Variants in P2RY8 observed in about 807,000 individuals in gnomAD.
The protein encoded by P2RY8 is S-geranylgeranyl-glutathione receptor P2RY8.
Under a neutral mutation model 10.0 loss-of-function variants are expected in P2RY8, and 6 were observed. The observed-to-expected ratio is 0.60, with a 90% CI of 0.33 to 1.19. P2RY8 has a LOEUF of 1.19. P2RY8 is among the 50% of genes most tolerant of loss of function. P2RY8 has a pLI of 0.04. For missense variants in P2RY8, 456 were observed against 542.0 expected (o/e 0.84, Z 1.58); for synonymous variants, 276 against 252.5 (o/e 1.09, Z -0.88).
intron 1 of P2RY8, among the ~76,000 whole-genome samples, chrX:1,529,545 C>T (rs1179139378): frequency 2.6e-5 from 4 of 151,882 alleles, no homozygotes; most frequent in Admixed American, 2.6e-4. Context: ...GGAAGATGCT[C>T]AGTGCCCTGC....
intron 1 of P2RY8, among the ~76,000 whole-genome samples, chrX:1,506,185 G>T (rs1478620775): frequency 6.6e-6 from 1 of 151,802 alleles, no homozygotes; most frequent in Non-Finnish European, 1.5e-5. Flanking sequence ...TAGAGACGGG[G>T]TTTTGCCATG....
intron 1 of P2RY8, among the ~76,000 whole-genome samples, chrX:1,471,309 ATTTT>A (rs1159260456): frequency 8.0e-5 from 8 of 100,026 alleles, no homozygotes; most frequent in African/African-American, 1.2e-4. Context: ...CGCCCAGCCC[ATTTT>A]TTTTTTTTTT....
intron 1 of P2RY8, among the ~76,000 whole-genome samples, chrX:1,512,513 C>G (rs1426740864): frequency 6.9e-6 from 1 of 144,670 alleles, no homozygotes; most frequent in Non-Finnish European, 1.5e-5. Context: ...TGCCATTGCA[C>G]TCCAGCCTGG....
chrX:1,518,412 CGA>C (rs1941617877), intron 1 of P2RY8, among the ~76,000 whole-genome samples: 1 of 127,212 alleles, frequency 7.9e-6, no homozygotes, highest in Admixed American at 8.7e-5. Context: ...GGTGACAGAG[CGA>C]GACTCCGTCT....
chrX:1,516,587 T>C (rs111234458), intron 1 of P2RY8, among the ~76,000 whole-genome samples: 8,517 of 122,156 alleles, frequency 0.07, 769 homozygotes, highest in African/African-American at 0.23. Context: ...AGGGAGAAGA[T>C]GGCGTCTCCA....
chrX:1,507,525 G>T (rs759814463), intron 1 of P2RY8, among the ~76,000 whole-genome samples: 1 of 152,072 alleles, frequency 6.6e-6, no homozygotes, highest in Non-Finnish European at 1.5e-5. Flanking sequence ...ACGGTGGTTC[G>T]GAGCTGGGGT....
intron 1 of P2RY8, among the ~76,000 whole-genome samples, chrX:1,532,757 T>C (rs1212662776): frequency 6.6e-6 from 1 of 151,740 alleles, no homozygotes; most frequent in African/African-American, 2.4e-5. Flanking sequence ...ATCCCAGCAC[T>C]TTGGGAGGTC....
chrX:1,473,596 G>GTGGATGAATGGA (rs2091827416), intron 1 of P2RY8, among the ~76,000 whole-genome samples: 1 of 139,242 alleles, frequency 7.2e-6, no homozygotes, highest in African/African-American at 2.6e-5. Flanking sequence ...GGGTGAATGG[G>GTGGATGAATGGA]TGGATTGATG....
At chrX:1,483,869 G>T (rs1356736595) in intron 1 of P2RY8, among the ~76,000 whole-genome samples, 7 of 147,128 alleles carry the variant, frequency 4.8e-5, no homozygotes, top group Non-Finnish European at 9.2e-5. Flanking sequence ...CCTGAAGCTG[G>T]GCTGCCTTAG....
intron 1 of P2RY8, among the ~76,000 whole-genome samples, chrX:1,506,369 A>C (rs1341412199): frequency 1.3e-5 from 2 of 152,148 alleles, no homozygotes; most frequent in Non-Finnish European, 2.9e-5. Context: ...TTGGGTAGAC[A>C]AAAGAAGACA....
At chrX:1,473,868 A>G (rs2091836696) in intron 1 of P2RY8, among the ~76,000 whole-genome samples, 1 of 139,630 alleles carries the variant, frequency 7.2e-6, no homozygotes, top group African/African-American at 2.8e-5. Flanking sequence ...AGATAGGTGG[A>G]TATGTGGGTG....
chrX:1,523,118 T>TAAATAAAA (rs1444439947), intron 1 of P2RY8, among the ~76,000 whole-genome samples: 20 of 150,066 alleles, frequency 1.3e-4, no homozygotes, highest in African/African-American at 4.4e-4. Context: ...AATAAATAAA[T>TAAATAAAA]AAAACAAAAA....
chrX:1,519,075 C>T (rs1202554012), intron 1 of P2RY8, among the ~76,000 whole-genome samples: 2 of 151,408 alleles, frequency 1.3e-5, no homozygotes, highest in African/African-American at 4.9e-5. Context: ...TTCCTCTGGT[C>T]CCCAATAATC....
chrX:1,516,644 G>C (rs1441287917), intron 1 of P2RY8, among the ~76,000 whole-genome samples: 1 of 151,572 alleles, frequency 6.6e-6, no homozygotes, highest in Non-Finnish European at 1.5e-5. Flanking sequence ...CCTACACCTG[G>C]ATCTCAGACC....
In P2RY8 at chrX:1,508,702, C is replaced by CATCCATCCATCCATCCATCCATCCATCT. The variant is rs1224676271; in HGVS notation, c.-25+28218_-25+28219insAGATGGATGGATGGATGGATGGATGGAT. The stretch of plus-strand genomic sequence containing the variant: ...TCCATCATCCATCCATCCATCCATC[C>CATCCATCCATCCATCCATCCATCCATCT]ATTCTATCTATCTATCTATCTATCT... On this transcript the variant is annotated intron_variant, in intron 1 of 1. Transcript: ENST00000381297. 3.1e-4 allele frequency among the ~76,000 whole-genome samples: 27 copies of CATCCATCCATCCATCCATCCATCCATCT among 86,442 alleles called. 3 individuals carry two copies. Among genetic ancestry groups the CATCCATCCATCCATCCATCCATCCATCT allele is most frequent in the Non-Finnish European group, 4.7e-5 (2 of 42,726 alleles). The allele number at this position is 86,442 out of a possible 152,430, so 56.7% of individuals were successfully genotyped here.
At chrX:1,536,184 G>C (rs2092525022) in intron 1 of P2RY8, among the ~76,000 whole-genome samples, 1 of 152,086 alleles carries the variant, frequency 6.6e-6, no homozygotes, top group African/African-American at 2.4e-5. Flanking sequence ...GGCGTAAATG[G>C]GTTACGTGCA....
intron 1 of P2RY8, among the ~76,000 whole-genome samples, chrX:1,528,528 G>A (rs1457254900): frequency 6.6e-6 from 1 of 152,258 alleles, no homozygotes; most frequent in African/African-American, 2.4e-5. Flanking sequence ...TCCCAGGGAA[G>A]CCCGGAGGAG....
chrX:1,503,724 G>A (rs769788948), intron 1 of P2RY8, among the ~76,000 whole-genome samples: 3 of 152,072 alleles, frequency 2.0e-5, no homozygotes, highest in Non-Finnish European at 2.9e-5. Flanking sequence ...GCAAAACCCC[G>A]TCTCTGCTAA....
chrX:1,535,370 T>G (rs1266725139), intron 1 of P2RY8, among the ~76,000 whole-genome samples: 1 of 151,392 alleles, frequency 6.6e-6, no homozygotes, highest in Non-Finnish European at 1.5e-5. Context: ...GTATTTTTAG[T>G]AGAGACGGGG....
Sources: allele counts gnomAD v4.1 joint callset (sites outside exome capture counted in the v4.1 genomes callset), GRCh38; gene constraint gnomAD v4.1.1; transcripts MANE v1.5; gene names NCBI Gene and HGNC (gene_info 2026-07-23, HGNC 2026-07-21).